Variants in PLCB1 observed in about 807,000 individuals in gnomAD.
PLCB1 encodes the protein 1-phosphatidylinositol 4,5-bisphosphate phosphodiesterase beta-1.
PLCB1 carries 46 observed loss-of-function variants against 161.8 expected under a neutral mutation model. The observed-to-expected ratio is 0.28, with a 90% confidence interval of 0.22 to 0.36. The LOEUF is 0.36. Ranked by LOEUF, PLCB1 falls within the 10% of genes least tolerant of loss-of-function variation. The probability of loss-of-function intolerance (pLI) is 1.00; values close to 1 mark genes in which losing one functional copy is unlikely to be tolerated. For missense variants in PLCB1, 1,016 were observed against 1,472.5 expected, an observed-to-expected ratio of 0.69 and a Z score of 5.07; for synonymous variants, 517 against 503.7, an observed-to-expected ratio of 1.03 and a Z score of -0.35.
chr20:8,806,361 C>T (rs1314414318), intron 31 of PLCB1, among the ~76,000 whole-genome samples: 3 of 152,118 alleles, frequency 2.0e-5, no homozygotes, highest in Non-Finnish European at 4.4e-5. Context: ...TTGAGTCAAC[C>T]TTCCCTGTCT....
chr20:8,283,898 T>TAA (rs1159671404), intron 2 of PLCB1, among the ~76,000 whole-genome samples: 1 of 152,134 alleles, frequency 6.6e-6, no homozygotes, highest in Non-Finnish European at 1.5e-5. Context: ...ATATGACCGT[T>TAA]ATCTGTTTTT....
At chr20:8,699,519 G>C (rs1436901588) in intron 11 of PLCB1, among the ~76,000 whole-genome samples, 1 of 152,138 alleles carries the variant, frequency 6.6e-6, no homozygotes, top group African/African-American at 2.4e-5. Flanking sequence ...AGATTGAAAG[G>C]TAGTGTTTTA....
chr20:8,420,177 A>G (rs1487581536), intron 3 of PLCB1, among the ~76,000 whole-genome samples: 2 of 152,172 alleles, frequency 1.3e-5, no homozygotes, highest in African/African-American at 4.8e-5. Flanking sequence ...TGTAATGAAA[A>G]TGAGAGAAGC....
chr20:8,645,988 A>C, intron 4 of PLCB1, 114 bp from the exon 5 acceptor site: 1 of 666,634 alleles, frequency 1.5e-6, no homozygotes, highest in Non-Finnish European at 2.6e-6. Context: ...ACAAAACAAA[A>C]AACCTTTGGC....
chr20:8,336,304 A>G (rs991425971), intron 2 of PLCB1, among the ~76,000 whole-genome samples: 4 of 152,214 alleles, frequency 2.6e-5, no homozygotes, highest in Admixed American at 2.6e-4. Context: ...AATTATGCGT[A>G]TATATTTAAG....
intron 9 of PLCB1, among the ~76,000 whole-genome samples, chr20:8,666,385 A>G (rs1169272972): frequency 6.6e-6 from 1 of 152,192 alleles, no homozygotes; most frequent in Non-Finnish European, 1.5e-5. Flanking sequence ...ATCAAAAGTG[A>G]AAGATGGGTA....
intron 2 of PLCB1, among the ~76,000 whole-genome samples, chr20:8,338,231 A>G (rs1600325932): frequency 6.6e-6 from 1 of 152,242 alleles, no homozygotes; most frequent in Admixed American, 6.5e-5. Flanking sequence ...CAGGATTTTA[A>G]CAATGAGAGG....
chr20:8,437,891 G>A (rs2065343546), intron 3 of PLCB1, among the ~76,000 whole-genome samples: 3 of 152,082 alleles, frequency 2.0e-5, no homozygotes, highest in Non-Finnish European at 2.9e-5. Context: ...TCTAAAGATT[G>A]ACAAGTAGAG....
intron 3 of PLCB1, among the ~76,000 whole-genome samples, chr20:8,421,078 C>T (rs1979519415): frequency 6.6e-6 from 1 of 152,126 alleles, no homozygotes. Flanking sequence ...CCTCAGATTT[C>T]CTAGTTGGGC....
chr20:8,286,962 A>G (rs957349162), intron 2 of PLCB1, among the ~76,000 whole-genome samples: 3 of 152,146 alleles, frequency 2.0e-5, no homozygotes, highest in African/African-American at 7.2e-5. Flanking sequence ...TGCTTTGTAT[A>G]TAGTAAGACC....
intron 3 of PLCB1, among the ~76,000 whole-genome samples, chr20:8,575,190 G>C (rs1490221111): frequency 6.6e-6 from 1 of 152,212 alleles, no homozygotes; most frequent in Non-Finnish European, 1.5e-5. Context: ...ATGTGAGTTT[G>C]ATGAACATGA....
At chr20:8,275,218 G>A (rs1600280016) in intron 2 of PLCB1, among the ~76,000 whole-genome samples, 1 of 150,706 alleles carries the variant, frequency 6.6e-6, no homozygotes, top group African/African-American at 2.4e-5. Context: ...TTTGTTAAAT[G>A]TCCAGTACCA....
At chr20:8,192,010 A>G (rs2051975513) in intron 2 of PLCB1, among the ~76,000 whole-genome samples, 1 of 152,034 alleles carries the variant, frequency 6.6e-6, no homozygotes, top group Non-Finnish European at 1.5e-5. Context: ...TCAGTATATA[A>G]TTCAGTATAA....
At chr20:8,516,491 C>A (rs994168966) in intron 3 of PLCB1, among the ~76,000 whole-genome samples, 14 of 151,974 alleles carry the variant, frequency 9.2e-5, no homozygotes, top group African/African-American at 3.4e-4. Flanking sequence ...GAACAACAAC[C>A]TACTCTATCA....
chr20:8,696,935 A>G (rs573881117), intron 10 of PLCB1, among the ~76,000 whole-genome samples: 103 of 152,162 alleles, frequency 6.8e-4, no homozygotes, highest in Middle Eastern at 6.8e-3. Flanking sequence ...GGGTTTCACC[A>G]TGTTAGCCAG....
intron 4 of PLCB1, among the ~76,000 whole-genome samples, chr20:8,629,623 A>G (rs2223836): frequency 0.094 from 14,383 of 152,206 alleles, 917 homozygotes; most frequent in East Asian, 0.32. Context: ...TGAGTTCTGC[A>G]TATAATATAT....
At position 8,371,179 on chromosome 20, in the gene PLCB1, T is replaced by C. The variant is rs1162384041; in HGVS notation, c.178-203T>C. 4 of 535,044 alleles carry C rather than the reference T, an allele frequency of 7.5e-6. No individual in the cohort carries two copies. The South Asian group carries it at 7.9e-5, about 11-fold the overall frequency. 33.1% of individuals were successfully genotyped at this position (535,044 alleles called of 1,614,324 possible). A position where few individuals can be genotyped will look rare whatever the true frequency, so the allele number is the denominator to read the frequency against. The stretch of plus-strand genomic sequence containing the variant: ...CCACACACTTTTTGCTTTCAAAATG[T>C]ATAACTGAGCAGTTAGCAGTTAGCT... On this transcript the variant is annotated intron_variant, in intron 2 of 31. Transcript: ENST00000338037.
chr20:8,857,110 C>G (rs1351156070), intron 31 of PLCB1, among the ~76,000 whole-genome samples: 1 of 152,180 alleles, frequency 6.6e-6, no homozygotes, highest in Non-Finnish European at 1.5e-5. Context: ...CACTTAGTCT[C>G]TAATCTGTGA....
chr20:8,727,463 T>C, intron 17 of PLCB1, 70 bp downstream of exon 17: 1 of 886,966 alleles, frequency 1.1e-6, no homozygotes, highest in South Asian at 1.5e-5. Flanking sequence ...TTCATTTGGT[T>C]TTTTAATAAG....
Sources: allele counts gnomAD v4.1 joint callset (sites outside exome capture counted in the v4.1 genomes callset), GRCh38; gene constraint gnomAD v4.1.1; transcripts MANE v1.5; gene names NCBI Gene and HGNC (gene_info 2026-07-23, HGNC 2026-07-21).